VWA3B: variants seen among roughly 807,000 people sequenced by gnomAD.
VWA3B encodes von Willebrand factor A domain containing 3B.
A neutral mutation model predicts 158.3 loss-of-function variants in VWA3B; 138 were observed. The ratio of observed to expected loss-of-function variants is 0.87; its 90% CI spans 0.76 to 1.00. The LOEUF (loss-of-function observed/expected upper bound fraction) is 1.00, where lower values mean the gene tolerates loss of function less well. VWA3B is among the 50% of genes least tolerant of loss of function. VWA3B has a pLI of 0.00. For missense variants in VWA3B, 1,555 were observed against 1,565.1 expected (o/e 0.99, Z 0.11); for synonymous variants, 596 against 587.3 (o/e 1.01, Z -0.21).
intron 12 of VWA3B, chr2:98,206,492 A>G (rs1055906544): frequency 8.6e-6 from 4 of 463,026 alleles, no homozygotes; most frequent in Non-Finnish European, 1.7e-5. Context: ...TATGAATGGT[A>G]CAGAAGGCTT....
At chr2:98,101,733 C>T (rs1683085744) in intron 2 of VWA3B, among the ~76,000 whole-genome samples, 1 of 151,984 alleles carries the variant, frequency 6.6e-6, no homozygotes, top group Non-Finnish European at 1.5e-5. Flanking sequence ...AGCCCTGTGC[C>T]ATCTAAATAT....
At chr2:98,208,483 G>A (rs1433925308) in intron 12 of VWA3B, among the ~76,000 whole-genome samples, 1 of 151,846 alleles carries the variant, frequency 6.6e-6, no homozygotes, top group Non-Finnish European at 1.5e-5. Flanking sequence ...ATATTTTGGT[G>A]TTTCATTTTG....
intron 2 of VWA3B, among the ~76,000 whole-genome samples, chr2:98,112,825 G>T (rs1169387476): frequency 1.4e-4 from 21 of 151,658 alleles, no homozygotes; most frequent in Non-Finnish European, 2.9e-5. Flanking sequence ...CTGAAACTCT[G>T]TTCATTTTGT....
In VWA3B at chr2:98,107,716, C is replaced by A. The variant is rs141544113; in HGVS notation, c.197-7936C>A. 3.9e-3 allele frequency among the ~76,000 whole-genome samples: 596 copies of A among 152,028 alleles called. 6 individuals carry two copies. Among genetic ancestry groups the A allele is most frequent in the Non-Finnish European group, 7.4e-3 (502 of 67,930 alleles). Reference sequence around the variant, plus strand: ...TCTGCCGCATCTTTTGTGGTATTTCCCATTTTATTCTTGATATCTGTAATT... The same window carrying A: ...TCTGCCGCATCTTTTGTGGTATTTCACATTTTATTCTTGATATCTGTAATT... On this transcript the variant is annotated intron_variant, in intron 2 of 27. Transcript: ENST00000477737.
chr2:98,269,158 A>G (rs1688048356), intron 21 of VWA3B, among the ~76,000 whole-genome samples: 1 of 152,146 alleles, frequency 6.6e-6, no homozygotes, highest in Non-Finnish European at 1.5e-5. Context: ...AGTTGATAAT[A>G]TGACATTTGA....
intron 2 of VWA3B, among the ~76,000 whole-genome samples, chr2:98,104,734 C>G (rs1452648132): frequency 6.6e-6 from 1 of 152,098 alleles, no homozygotes; most frequent in African/African-American, 2.4e-5. Flanking sequence ...ATCTGTGTTT[C>G]TCCTTTTGGC....
chr2:98,294,184 TCA>T (rs201470274), intron 23 of VWA3B, among the ~76,000 whole-genome samples: 52 of 68,102 alleles, frequency 7.6e-4, no homozygotes, highest in Middle Eastern at 0.01. Context: ...CTATTTTCCC[TCA>T]CACACACACA....
chr2:98,189,275 C>T (rs570332385), intron 10 of VWA3B, among the ~76,000 whole-genome samples: 9 of 152,222 alleles, frequency 5.9e-5, no homozygotes, highest in East Asian at 1.9e-4. Context: ...GGCATGGTGG[C>T]GGGCACCTGT....
intron 21 of VWA3B, among the ~76,000 whole-genome samples, chr2:98,265,632 A>G (rs1186640746): frequency 2.0e-5 from 3 of 147,702 alleles, no homozygotes; most frequent in Non-Finnish European, 4.5e-5. Flanking sequence ...GACTTCCACA[A>G]TGGTTGAACT....
In VWA3B at chr2:98,275,173, G is replaced by A. The variant is rs192679719; in HGVS notation, c.3045+4290G>A. Among the ~76,000 whole-genome samples, 878 of 152,352 alleles carry A rather than the reference G, an allele frequency of 5.8e-3. 37 individuals are homozygous for A. The highest frequency in any genetic ancestry group is 0.052 in the Admixed American group (799 of 15,306). On this transcript the variant is annotated intron_variant, in intron 22 of 27. Coordinates refer to ENST00000477737, the MANE Select transcript of VWA3B (RefSeq NM_144992.5). ...GTAGGTGCTCCCAGAGCCTAGAATC[G>A]TGGTGGGCACCTTGTAGGCATGCAT... is the stretch of plus-strand genomic sequence containing the variant.
At chr2:98,131,921 C>T (rs2105039089) in intron 6 of VWA3B, among the ~76,000 whole-genome samples, 1 of 152,300 alleles carries the variant, frequency 6.6e-6, no homozygotes, top group Admixed American at 6.5e-5. Context: ...ACTCTAAGGA[C>T]CATTGCTGTG....
At position 98,198,639 on chromosome 2, in the gene VWA3B, T is replaced by C. The variant is rs147390867; in HGVS notation, c.1737+4147T>C. Among the ~76,000 whole-genome samples, 7 of 152,262 alleles carry C rather than the reference T, an allele frequency of 4.6e-5. No individual in the cohort carries two copies. In the East Asian group the frequency reaches 1.4e-3, roughly 29 times the overall value. ...TCCACCACAGTACCAAAGGGACCAA[T>C]TCTATCACTCCCAAAATGTCCTCAT... On this transcript the variant is annotated intron_variant, in intron 12 of 27. Coordinates refer to ENST00000477737, the MANE Select transcript of VWA3B (RefSeq NM_144992.5).
intron 10 of VWA3B, among the ~76,000 whole-genome samples, chr2:98,192,098 A>G (rs938503130): frequency 3.3e-5 from 5 of 152,244 alleles, no homozygotes; most frequent in African/African-American, 1.2e-4. Flanking sequence ...TTGAAGCTTC[A>G]GGAATGTGCT....
At chr2:98,267,871 C>T (rs900310877) in intron 21 of VWA3B, among the ~76,000 whole-genome samples, 2 of 151,978 alleles carry the variant, frequency 1.3e-5, no homozygotes, top group African/African-American at 4.8e-5. Flanking sequence ...ACCACCAATC[C>T]CACAGAAATA....
At chr2:98,177,087 G>A (rs886438001) in intron 8 of VWA3B, among the ~76,000 whole-genome samples, 1 of 152,174 alleles carries the variant, frequency 6.6e-6, no homozygotes, top group Non-Finnish European at 1.5e-5. Context: ...CCTGGAGGGT[G>A]GGTGGATGAG....
intron 26 of VWA3B, among the ~76,000 whole-genome samples, chr2:98,309,918 T>TG (rs1335583605): frequency 6.6e-6 from 1 of 152,200 alleles, no homozygotes; most frequent in Non-Finnish European, 1.5e-5. Flanking sequence ...AAACCCTGTC[T>TG]GTGAGTGTCC....
In VWA3B at chr2:98,181,226, A is replaced by G. The variant is rs1422508107; in HGVS notation, c.1311+14A>G. 2.5e-6 allele frequency: 4 copies of G among 1,611,044 alleles called. No homozygotes were observed. The highest frequency in any genetic ancestry group is 3.4e-6 in the Non-Finnish European group (4 of 1,178,028). ...CAGACCAGTGCGGTAGGTGAAGTGC[A>G]CTCCTGGGAGGGGCTGGGGCCTCCC... is the stretch of plus-strand genomic sequence containing the variant. On this transcript the variant is annotated intron_variant, in intron 9 of 27. Coordinates refer to ENST00000477737, the MANE Select transcript of VWA3B (RefSeq NM_144992.5).
At chr2:98,282,390 T>C (rs1346928576) in intron 22 of VWA3B, among the ~76,000 whole-genome samples, 1 of 151,654 alleles carries the variant, frequency 6.6e-6, no homozygotes, top group Non-Finnish European at 1.5e-5. Context: ...TTCTTGCCAA[T>C]AGTAATAACA....
intron 3 of VWA3B, among the ~76,000 whole-genome samples, chr2:98,116,035 A>G (rs548286974): frequency 8.1e-4 from 124 of 152,340 alleles, no homozygotes; most frequent in African/African-American, 2.9e-3. Flanking sequence ...AAAATATGAC[A>G]GAGATGATCT....
Sources: gnomAD v4.1 joint callset for allele counts (sites outside exome capture counted in the v4.1 genomes callset) on GRCh38, gnomAD v4.1.1 for gene constraint, MANE v1.5 for transcripts, NCBI Gene and HGNC (gene_info 2026-07-23, HGNC 2026-07-21) for gene names.